The following VGLL4 variants were observed in gnomAD, a reference collection of about 807,000 sequenced individuals.
VGLL4 encodes vestigial like family member 4, also known as transcription cofactor vestigial-like protein 4.
VGLL4 carries 7 observed loss-of-function variants against 21.0 expected under a neutral mutation model. The observed-to-expected ratio is 0.33, with a 90% CI of 0.19 to 0.63. The LOEUF (loss-of-function observed/expected upper bound fraction) is 0.63. Ranked by LOEUF, VGLL4 falls within the 20% of genes least tolerant of loss-of-function variation. VGLL4 has a pLI of 0.78. For synonymous variants in VGLL4, 222 were observed against 173.2 expected (o/e 1.28, Z -2.21); for missense variants, 394 against 425.7 (o/e 0.93, Z 0.66).
intron 2 of VGLL4, among the ~76,000 whole-genome samples, chr3:11,601,348 A>C (rs1275715907): frequency 6.6e-6 from 1 of 152,224 alleles, no homozygotes; most frequent in African/African-American, 2.4e-5. Context: ...CCAGGGGCAC[A>C]TAAGGTGGGA....
At chr3:11,636,938 A>G (rs983779919) in intron 1 of VGLL4, among the ~76,000 whole-genome samples, 3 of 152,134 alleles carry the variant, frequency 2.0e-5, no homozygotes, top group South Asian at 2.1e-4. Flanking sequence ...GAGTTCTCAC[A>G]CTCAAAGAGA....
Position 11,568,626 on chromosome 3 carries a change from T to C in VGLL4, c.273-3607A>G. On this transcript the variant is annotated intron_variant, in intron 2 of 4. Transcript: ENST00000430365. The surrounding 1 kb of genome is among the most constrained non-coding windows in gnomAD (Gnocchi z 5.9). ...TCACATTTCCAGCTCATTTTCCTGG[T>C]TCCCGGAGCTTCAAGACAGACATTG... is the stretch of plus-strand genomic sequence containing the variant. The C allele has an allele frequency of 6.4e-7, 1 of 1,569,294 alleles. No individual in the cohort carries two copies. The highest frequency in any genetic ancestry group is 8.7e-7 in the Non-Finnish European group (1 of 1,155,352).
Position 11,707,956 on chromosome 3 carries a change from G to GA in VGLL4, c.-13-4910dup, listed in dbSNP as rs146754240. ...ATAAAACATATTGATAATGTGGGAG[G>GA]AAAAACCATGGCTACAGTATTAGAT... On this transcript the variant is annotated intron_variant, in intron 1 of 5. Transcript: ENST00000273038. 5.2e-3 allele frequency among the ~76,000 whole-genome samples: 796 copies of GA among 152,226 alleles called. 3 individuals carry two copies. Among genetic ancestry groups the GA allele is most frequent in the African/African-American group, 0.018 (747 of 41,526 alleles).
rs60921966 is a variant in VGLL4 at position 11,717,490 on chromosome 3, ATTTTT to A, written c.-14+2899_-14+2903del. The stretch of plus-strand genomic sequence containing the variant: ...AGTTAAGAGGAATTTCCCACTACAG[ATTTTT>A]TTTTTTTTTTTTTTTTTTTGGTACA... On this transcript the variant is annotated intron_variant, in intron 1 of 5. Coordinates refer to the VGLL4 transcript ENST00000273038. Among the ~76,000 whole-genome samples the A allele has an allele frequency of 7.4e-4, 54 of 72,948 alleles. 1 individual carries two copies. Among genetic ancestry groups the A allele is most frequent in the African/African-American group, 3.1e-3 (48 of 15,384 alleles). The allele number at this position is 72,948 out of a possible 152,430, so 47.9% of individuals were successfully genotyped here. A position where few individuals can be genotyped will look rare whatever the true frequency, so the allele number is the denominator to read the frequency against.
intron 2 of VGLL4, among the ~76,000 whole-genome samples, chr3:11,569,351 C>G (rs564886540): frequency 6.6e-6 from 1 of 152,282 alleles, no homozygotes; most frequent in South Asian, 2.1e-4. Flanking sequence ...TCTGGGGTCC[C>G]CAAAGGCCCC....
intron 2 of VGLL4, among the ~76,000 whole-genome samples, chr3:11,659,285 A>G: frequency 9.3e-6 from 1 of 107,964 alleles, no homozygotes; most frequent in Middle Eastern, 5.3e-3. Context: ...GACAAATCCT[A>G]TTTTCTTTTT....
rs1031174985 is a variant in VGLL4, at chr3:11,557,224, G to C, written c.*1332C>G. Reference sequence around the variant, plus strand: ...TGCTTCATCTAATTTCTAGTTAGTAGCTATTAATATAGCAAATAATAAATG... The same window carrying C: ...TGCTTCATCTAATTTCTAGTTAGTACCTATTAATATAGCAAATAATAAATG... On this transcript the variant is annotated 3_prime_UTR_variant, in exon 5 of 5. Transcript: ENST00000430365. 3 of 152,772 alleles carry C rather than the reference G, an allele frequency of 2.0e-5. No individual in the cohort carries two copies. Among genetic ancestry groups the C allele is most frequent in the African/African-American group, 7.2e-5 (3 of 41,454 alleles). The allele number at this position is 152,772 out of a possible 1,614,324, so 9.5% of individuals were successfully genotyped here. A position where few individuals can be genotyped will look rare whatever the true frequency, so the allele number is the denominator to read the frequency against.
At chr3:11,597,110 G>C (rs1401968191) in intron 2 of VGLL4, among the ~76,000 whole-genome samples, 1 of 152,056 alleles carries the variant, frequency 6.6e-6, no homozygotes, top group Non-Finnish European at 1.5e-5. Flanking sequence ...GTCAACTCTG[G>C]GACAGCTACA....
chr3:11,605,734 A>G lies in VGLL4; in HGVS notation c.83-3712T>C, dbSNP rs79905661. ...ATTTAATTCATTTAATAAACCTGAC[A>G]GTGCAGAGCACAACTGACCTACTGA... is the stretch of plus-strand genomic sequence containing the variant. On this transcript the variant is annotated intron_variant, in intron 1 of 4. Transcript: ENST00000430365. Among the ~76,000 whole-genome samples the G allele has an allele frequency of 1.0e-3, 152 of 152,338 alleles. 1 individual carries two copies. In the East Asian group the frequency reaches 0.013, roughly 13 times the overall value.
chr3:11,717,048 A>AT (rs1160268012), intron 1 of VGLL4, among the ~76,000 whole-genome samples: 1 of 152,206 alleles, frequency 6.6e-6, no homozygotes, highest in East Asian at 1.9e-4. Context: ...AAGCAGACAC[A>AT]TTGGTATGTT....
chr3:11,560,956 G>A (rs1039205916), intron 3 of VGLL4, among the ~76,000 whole-genome samples: 3 of 152,124 alleles, frequency 2.0e-5, no homozygotes, highest in African/African-American at 7.2e-5. Flanking sequence ...GCCTGGAGCA[G>A]ATCTCACACT....
chr3:11,592,174 CAT>C lies in VGLL4; in HGVS notation c.272+9657_272+9658del, dbSNP rs370654095. 1.5e-3 allele frequency among the ~76,000 whole-genome samples: 236 copies of C among 152,336 alleles called. 1 individual carries two copies. The highest frequency in any genetic ancestry group is 5.1e-4 in the Non-Finnish European group (35 of 68,030). On this transcript the variant is annotated intron_variant, in intron 2 of 4. Transcript: ENST00000430365. ...ATGAAATCTAGAGGGAAAAAAAACA[CAT>C]GTCTTCAAATACTTAAAGTAAATTA...
upstream of VGLL4, among the ~76,000 whole-genome samples, chr3:11,648,819 T>TTAAGAAAG (rs140384514): frequency 0.055 from 8,436 of 152,270 alleles, 422 homozygotes; most frequent in Admixed American, 0.12. Context: ...AATATAAATT[T>TTAAGAAAG]TAAGTGATTT....
At chr3:11,613,004 T>G (rs2075091684) in intron 1 of VGLL4, among the ~76,000 whole-genome samples, 1 of 151,906 alleles carries the variant, frequency 6.6e-6, no homozygotes, top group East Asian at 1.9e-4. Flanking sequence ...TGCTGGGGGC[T>G]CAATTTCCTC....
chr3:11,705,753 T>C (rs1021451048), intron 1 of VGLL4, among the ~76,000 whole-genome samples: 4 of 152,172 alleles, frequency 2.6e-5, no homozygotes, highest in African/African-American at 9.7e-5. Context: ...AAACCCCGTC[T>C]CTACTAAAAA....
At position 11,711,501 on chromosome 3, in the gene VGLL4, A is replaced by T. The variant is rs1295861739; in HGVS notation, c.-13-8454T>A. 4.6e-5 allele frequency among the ~76,000 whole-genome samples: 7 copies of T among 151,262 alleles called. No homozygotes were observed. The East Asian group carries it at 1.4e-3, about 30-fold the overall frequency. ...AGAATGGCGTGAACCCGGGAGGCAGAGCTTGCAGTGAGCCGAGGTTGCGCC... is the reference window on the plus strand; with the variant it reads ...AGAATGGCGTGAACCCGGGAGGCAGTGCTTGCAGTGAGCCGAGGTTGCGCC... On this transcript the variant is annotated intron_variant, in intron 1 of 5. Coordinates refer to the VGLL4 transcript ENST00000273038.
chr3:11,672,867 A>G lies in VGLL4; in HGVS notation c.64+30104T>C, dbSNP rs114499733. On this transcript the variant is annotated intron_variant, in intron 2 of 5. Transcript: ENST00000273038. ...TTTATAAACACGTACCTAAGAAGCT[A>G]CTAATAAAAAATTCTATAAAAGGAA... Among the ~76,000 whole-genome samples, 641 of 152,368 alleles carry G rather than the reference A, an allele frequency of 4.2e-3. 1 individual carries two copies. Among genetic ancestry groups the G allele is most frequent in the African/African-American group, 0.015 (603 of 41,584 alleles).
intron 1 of VGLL4, among the ~76,000 whole-genome samples, chr3:11,704,952 T>C (rs949985726): frequency 3.9e-5 from 6 of 152,150 alleles, no homozygotes; most frequent in African/African-American, 1.4e-4. Context: ...AGAACGAATA[T>C]AAAAGTTCCT....
At chr3:11,694,532 G>T (rs2076577420) in intron 2 of VGLL4, among the ~76,000 whole-genome samples, 1 of 151,962 alleles carries the variant, frequency 6.6e-6, no homozygotes, top group African/African-American at 2.4e-5. Context: ...TGAGTCAGGA[G>T]AATTGCTTGA....
Sources: gnomAD v4.1 joint callset for allele counts (sites outside exome capture counted in the v4.1 genomes callset) on GRCh38, gnomAD v4.1.1 for gene constraint, Gnocchi (gnomAD v3.1) non-coding constraint, MANE v1.5 for transcripts, NCBI Gene and HGNC (gene_info 2026-07-23, HGNC 2026-07-21) for gene names.